Variants in PTPN5 observed in about 807,000 individuals in gnomAD.
PTPN5 encodes the protein tyrosine-protein phosphatase non-receptor type 5.
Under a neutral mutation model 73.9 loss-of-function variants are expected in PTPN5, and 29 were observed. The observed-to-expected ratio is 0.39, with a 90% CI of 0.29 to 0.54. PTPN5 has a LOEUF of 0.54. Ranked by LOEUF, PTPN5 falls within the 20% of genes least tolerant of loss-of-function variation. The pLI is 0.65. For missense variants in PTPN5, 652 were observed against 751.4 expected (o/e 0.87, Z 1.55); for synonymous variants, 267 against 304.7 (o/e 0.88, Z 1.29).
chr11:18,742,449 C>T lies in PTPN5; in HGVS notation c.538G>A (p.Asp180Asn), dbSNP rs757404920. The change falls in exon 7 of 15, where the codon GAC becomes AAC. Residue 180 changes from aspartate to asparagine, a missense_variant. Asp to Asn is a conservative substitution (Grantham distance 23). Coordinates refer to ENST00000358540, the MANE Select transcript of PTPN5 (RefSeq NM_006906.2). The surrounding 1 kb of genome is among the most constrained non-coding windows in gnomAD (Gnocchi z 4.1). ...PEPPTPLPPE[D>N]RRQSVSRQPS... ...TGGCGGCTCACTGACTGGCGCCTGT[C>T]CTCAGGGGGCAGTGGGGTGGGTGGC... 1.2e-6 allele frequency: 2 copies of T among 1,614,120 alleles called. No homozygotes were observed. Among genetic ancestry groups the T allele is most frequent in the South Asian group, 2.2e-5 (2 of 91,080 alleles).
intron 2 of PTPN5, among the ~76,000 whole-genome samples, 167 bp from the exon 3 acceptor site, chr11:18,766,050 G>A (rs1166194872): frequency 6.6e-6 from 1 of 152,160 alleles, no homozygotes; most frequent in African/African-American, 2.4e-5. Context: ...GGGTCAAGCT[G>A]CAGAGGCAGG....
At chr11:18,791,413 C>G (rs901651913) in intron 1 of PTPN5, 112 bp downstream of exon 1, 1 of 152,026 alleles carries the variant, frequency 6.6e-6, no homozygotes, top group Non-Finnish European at 1.5e-5. Flanking sequence ...GCCGGCTCCT[C>G]GGCCGGGAGG....
intron 2 of PTPN5, among the ~76,000 whole-genome samples, chr11:18,771,250 T>C (rs1353834671): frequency 1.3e-5 from 2 of 152,196 alleles, no homozygotes; most frequent in African/African-American, 4.8e-5. Context: ...CAACCCCACC[T>C]GACATCTCTA....
At chr11:18,777,562 C>A (rs1285800190) in intron 1 of PTPN5, among the ~76,000 whole-genome samples, 1 of 152,146 alleles carries the variant, frequency 6.6e-6, no homozygotes, top group South Asian at 2.1e-4. Context: ...GCTGGTAAAC[C>A]GGTTCTTAAC....
chr11:18,759,631 T>C (rs1387260677), intron 3 of PTPN5, among the ~76,000 whole-genome samples: 1 of 152,232 alleles, frequency 6.6e-6, no homozygotes, highest in Non-Finnish European at 1.5e-5. Context: ...AATTATCCAT[T>C]CTGAAGACTC....
chr11:18,737,911 C>T lies in PTPN5; in HGVS notation c.969G>A (p.Val323=), dbSNP rs903020765. The change falls in exon 9 of 15, where the codon GTG becomes GTA. Residue 323 remains valine, a synonymous_variant. Coordinates refer to ENST00000358540, the MANE Select transcript of PTPN5 (RefSeq NM_006906.2). ...GTATGGTTTTGTACCGGTTCTTCCGCACCAGCCCAGGGATGTCGTACTCTT... is the reference window on the plus strand; with the variant it reads ...GTATGGTTTTGTACCGGTTCTTCCGTACCAGCCCAGGGATGTCGTACTCTT... The part of the protein sequence containing the change: ...DPKEYDIPGL[V]RKNRYKTILP... The T allele has an allele frequency of 1.2e-6, 2 of 1,614,156 alleles. No homozygotes were observed. Among genetic ancestry groups the T allele is most frequent in the African/African-American group, 1.3e-5 (1 of 75,034 alleles).
chr11:18,728,756 A>T lies in PTPN5; in HGVS notation c.*178T>A. On this transcript the variant is annotated 3_prime_UTR_variant, in exon 15 of 15. Coordinates refer to ENST00000358540, the MANE Select transcript of PTPN5 (RefSeq NM_006906.2). This position sits in a 1 kb window ranked among gnomAD's most constrained non-coding sequence, Gnocchi z 4.1. ...CCGACCCTGCCCCCCACTCCCCAAT[A>T]TGTACAGTAGGAAGAGCAATGCTGG... 5.7e-6 allele frequency: 3 copies of T among 524,414 alleles called. No individual in the cohort carries two copies. Among genetic ancestry groups the T allele is most frequent in the Non-Finnish European group, 9.8e-6 (3 of 307,440 alleles). 32.5% of individuals were successfully genotyped at this position (524,414 alleles called of 1,614,324 possible). A position where few individuals can be genotyped will look rare whatever the true frequency, so the allele number is the denominator to read the frequency against.
intron 3 of PTPN5, among the ~76,000 whole-genome samples, chr11:18,760,054 G>A (rs1850321818): frequency 1.3e-5 from 2 of 152,156 alleles, no homozygotes; most frequent in African/African-American, 4.8e-5. Context: ...GACCCACCAA[G>A]ATAGGGTTGC....
intron 3 of PTPN5, among the ~76,000 whole-genome samples, chr11:18,759,956 C>G (rs1388662666): frequency 6.6e-6 from 1 of 152,132 alleles, no homozygotes; most frequent in Non-Finnish European, 1.5e-5. Context: ...AAACCTGCTC[C>G]TTAAAATGCT....
At position 18,771,200 on chromosome 11, in the gene PTPN5, T is replaced by C. The variant is rs536432853; in HGVS notation, c.20+739A>G. On this transcript the variant is annotated intron_variant, in intron 2 of 14. Coordinates refer to ENST00000358540, the MANE Select transcript of PTPN5 (RefSeq NM_006906.2). ...GCTCCTGGTACCCCGTAAATACCCC[T>C]CACTGTCAACGTGGAGCTCCTACCA... Among the ~76,000 whole-genome samples the C allele has an allele frequency of 9.9e-5, 15 of 152,168 alleles. No homozygotes were observed. The East Asian group carries it at 1.7e-3, about 18-fold the overall frequency.
intron 3 of PTPN5, among the ~76,000 whole-genome samples, chr11:18,759,388 G>A (rs1278604737): frequency 6.6e-6 from 1 of 152,112 alleles, no homozygotes; most frequent in African/African-American, 2.4e-5. Context: ...TTTACCACAG[G>A]TCATGCTGTT....
intron 3 of PTPN5, among the ~76,000 whole-genome samples, chr11:18,762,286 G>A (rs1850433428): frequency 6.6e-6 from 1 of 152,152 alleles, no homozygotes; most frequent in African/African-American, 2.4e-5. Context: ...CTCGCCTCTG[G>A]GTAAGACAGA....
At chr11:18,745,302 C>T (rs1429438020) in intron 3 of PTPN5, among the ~76,000 whole-genome samples, 9 of 152,234 alleles carry the variant, frequency 5.9e-5, no homozygotes, top group African/African-American at 2.2e-4. Context: ...CCCAGCATAG[C>T]CGTTTGTCCA....
At chr11:18,774,375 C>T (rs1450096198) in intron 1 of PTPN5, among the ~76,000 whole-genome samples, 1 of 152,208 alleles carries the variant, frequency 6.6e-6, no homozygotes, top group East Asian at 1.9e-4. Flanking sequence ...CTGGGGCAGC[C>T]TTTGGACAAG....
At chr11:18,735,853 T>G (rs1375254420) in intron 9 of PTPN5, among the ~76,000 whole-genome samples, 1 of 151,648 alleles carries the variant, frequency 6.6e-6, no homozygotes, top group African/African-American at 2.4e-5. Context: ...ATGACACAAT[T>G]AGATTTGTTT....
chr11:18,756,259 T>A (rs986143399), intron 3 of PTPN5, among the ~76,000 whole-genome samples: 2 of 151,612 alleles, frequency 1.3e-5, no homozygotes, highest in African/African-American at 4.8e-5. Context: ...GTTCCCTCTT[T>A]GCTGATAACT....
intron 9 of PTPN5, among the ~76,000 whole-genome samples, chr11:18,737,260 C>G (rs1391944219): frequency 6.6e-6 from 1 of 152,200 alleles, no homozygotes; most frequent in Non-Finnish European, 1.5e-5. Flanking sequence ...GTCTAACTGC[C>G]CCCAAAGGAG....
chr11:18,734,209 G>C (rs900023314), intron 9 of PTPN5, among the ~76,000 whole-genome samples: 1 of 152,258 alleles, frequency 6.6e-6, no homozygotes, highest in African/African-American at 2.4e-5. Context: ...GGAGTAGAAA[G>C]TTGACGGAGG....
intron 3 of PTPN5, among the ~76,000 whole-genome samples, chr11:18,753,411 C>T (rs1278843936): frequency 6.6e-6 from 1 of 152,214 alleles, no homozygotes; most frequent in Non-Finnish European, 1.5e-5. Flanking sequence ...TAAAGATCCA[C>T]TGTTACTTAA....
Sources: gnomAD v4.1 joint callset for allele counts (sites outside exome capture counted in the v4.1 genomes callset) on GRCh38, gnomAD v4.1.1 for gene constraint, Gnocchi (gnomAD v3.1) non-coding constraint, MANE v1.5 for transcripts, NCBI Gene and HGNC (gene_info 2026-07-23, HGNC 2026-07-21) for gene names.